Variants in ATP6V0E1 observed in about 807,000 individuals in gnomAD.
ATP6V0E1 encodes V-type proton ATPase subunit e 1.
In ATP6V0E1, 4 loss-of-function variants were observed where a neutral mutation model predicts 11.6. The observed-to-expected ratio is 0.35, with a 90% CI of 0.17 to 0.79. ATP6V0E1 has a LOEUF of 0.79. Among genes scored for constraint, ATP6V0E1 ranks in the 30% least tolerant of loss-of-function variants. ATP6V0E1 has a pLI of 0.54. For synonymous variants in ATP6V0E1, 36 were observed against 34.8 expected (o/e 1.04, Z -0.13); for missense variants, 105 against 100.0 (o/e 1.05, Z -0.21).
rs11296906 is a variant in ATP6V0E1, at chr5:172,994,757, ATTT to A, written c.105-5_105-3del. 800 of 1,395,198 alleles carry A rather than the reference ATTT, an allele frequency of 5.7e-4. No homozygotes were observed. The highest frequency in any genetic ancestry group is 2.4e-3 in the South Asian group (179 of 74,986). 86.4% of individuals were successfully genotyped at this position (1,395,198 alleles called of 1,614,324 possible). On this transcript the variant is annotated splice_polypyrimidine_tract_variant and intron_variant, in intron 1 of 3. Coordinates refer to ENST00000519374, the MANE Select transcript of ATP6V0E1 (RefSeq NM_003945.4). ...TTGCTAGTTATTTAATGACATTTGCATTTTTTTTTTTTTTTAGAGTTATCATTA... is the reference window on the plus strand; with the variant it reads ...TTGCTAGTTATTTAATGACATTTGCATTTTTTTTTTTTAGAGTTATCATTA...
intron 1 of ATP6V0E1, among the ~76,000 whole-genome samples, chr5:172,992,815 T>C (rs1756006748): frequency 6.6e-6 from 1 of 152,218 alleles, no homozygotes; most frequent in African/African-American, 2.4e-5. Flanking sequence ...TTTATTTTTT[T>C]GAGATGGAGT....
In ATP6V0E1 at chr5:172,983,838, G is replaced by A. The variant is rs580437; in HGVS notation, c.-23G>A. Reference sequence around the variant, plus strand: ...GGATCCGAGTGAGGCGACGGGGTAGGGGTTGGCGCTCAGGCGGCGACCATG... The same window carrying A: ...GGATCCGAGTGAGGCGACGGGGTAGAGGTTGGCGCTCAGGCGGCGACCATG... On this transcript the variant is annotated 5_prime_UTR_variant, in exon 1 of 4. Transcript: ENST00000519374. 2,360 of 1,609,952 alleles carry A rather than the reference G, an allele frequency of 1.5e-3. 27 individuals carry two copies. In the African/African-American group the frequency reaches 0.027, roughly 19 times the overall value.
At chr5:172,984,277 CTG>C (rs940016149) in intron 1 of ATP6V0E1, among the ~76,000 whole-genome samples, 3 of 152,212 alleles carry the variant, frequency 2.0e-5, no homozygotes, top group African/African-American at 4.8e-5. Flanking sequence ...CTGGGAGAAA[CTG>C]GGGTTTGTCC....
chr5:173,034,580 A>G lies in ATP6V0E1; in HGVS notation c.*218A>G. 1.5e-6 allele frequency: 1 copy of G among 653,944 alleles called. No homozygotes were observed. The highest frequency in any genetic ancestry group is 2.7e-5 in the East Asian group (1 of 36,514). The allele number at this position is 653,944 out of a possible 1,614,324, so 40.5% of individuals were successfully genotyped here. A position where few individuals can be genotyped will look rare whatever the true frequency, so the allele number is the denominator to read the frequency against. On this transcript the variant is annotated 3_prime_UTR_variant, in exon 4 of 4. Coordinates refer to ENST00000519374, the MANE Select transcript of ATP6V0E1 (RefSeq NM_003945.4). Reference sequence around the variant, plus strand: ...ACTTTGGTGAATTACGTGCCTCCATAACCTGAACTGTGCCGACTCCACAAA... The same window carrying G: ...ACTTTGGTGAATTACGTGCCTCCATGACCTGAACTGTGCCGACTCCACAAA...
At chr5:173,016,668 G>A (rs147053842) in intron 2 of ATP6V0E1, among the ~76,000 whole-genome samples, 2 of 152,276 alleles carry the variant, frequency 1.3e-5, no homozygotes, top group Non-Finnish European at 2.9e-5. Flanking sequence ...AGCTTGTATT[G>A]CCTGCCGGGA....
In ATP6V0E1 at chr5:173,025,932, A is replaced by C. The variant is rs567789356; in HGVS notation, c.*36+5565A>C. Among the ~76,000 whole-genome samples, 8 of 152,280 alleles carry C rather than the reference A, an allele frequency of 5.3e-5. No homozygotes were observed. The South Asian group carries it at 1.7e-3, about 32-fold the overall frequency. ...CCAGCTGTTTGGTGCGGTGAGGCAG[A>C]AGGATCTCTTGAGCCCAGAGTTTGA... is the stretch of plus-strand genomic sequence containing the variant. On this transcript the variant is annotated intron_variant, in intron 3 of 3. Coordinates refer to ENST00000519374, the MANE Select transcript of ATP6V0E1 (RefSeq NM_003945.4).
chr5:172,988,814 G>A lies in ATP6V0E1; in HGVS notation c.104+4850G>A, dbSNP rs78339108. ...AGCGCTTCTCGTGCCTCAACCTCCCGAGTATCTCGGACTACAGGCGCACGT... is the reference window on the plus strand; with the variant it reads ...AGCGCTTCTCGTGCCTCAACCTCCCAAGTATCTCGGACTACAGGCGCACGT... On this transcript the variant is annotated intron_variant, in intron 1 of 3. Transcript: ENST00000519374. Among the ~76,000 whole-genome samples the A allele has an allele frequency of 2.1e-3, 321 of 152,130 alleles. 1 individual carries two copies. The highest frequency in any genetic ancestry group is 3.5e-3 in the Non-Finnish European group (235 of 68,006).
intron 3 of ATP6V0E1, among the ~76,000 whole-genome samples, chr5:173,033,996 A>G (rs1756703203): frequency 6.6e-6 from 1 of 152,216 alleles, no homozygotes. Context: ...CAATGCAAGG[A>G]GCCCGCTCCC....
At position 173,020,362 on chromosome 5, in the gene ATP6V0E1, T is replaced by G; in HGVS notation, c.*31T>G. On this transcript the variant is annotated 3_prime_UTR_variant, in exon 3 of 4. Coordinates refer to ENST00000519374, the MANE Select transcript of ATP6V0E1 (RefSeq NM_003945.4). Reference sequence around the variant, plus strand: ...AAGACATGCTCTACAGTGCTCAGTCTTTGAGGTGACTATGCTTGTGACCTT... The same window carrying G: ...AAGACATGCTCTACAGTGCTCAGTCGTTGAGGTGACTATGCTTGTGACCTT... 1 of 1,530,048 alleles carries G rather than the reference T, an allele frequency of 6.5e-7. No individual in the cohort carries two copies. Among genetic ancestry groups the G allele is most frequent in the Non-Finnish European group, 9.0e-7 (1 of 1,105,074 alleles). The allele number at this position is 1,530,048 out of a possible 1,614,324, so 94.8% of individuals were successfully genotyped here.
intron 2 of ATP6V0E1, among the ~76,000 whole-genome samples, chr5:173,015,702 A>G (rs376372693): frequency 1.2e-4 from 19 of 152,256 alleles, no homozygotes; most frequent in South Asian, 6.2e-4. Context: ...CACCCTGTCC[A>G]TCCCTTCATC....
intron 3 of ATP6V0E1, among the ~76,000 whole-genome samples, chr5:173,031,383 C>T: frequency 6.6e-6 from 1 of 151,468 alleles, no homozygotes; most frequent in East Asian, 1.9e-4. Flanking sequence ...CGCATCCGAC[C>T]CTTTGTCAGT....
At chr5:172,997,766 T>C (rs1448097672) in intron 2 of ATP6V0E1, among the ~76,000 whole-genome samples, 1 of 150,490 alleles carries the variant, frequency 6.6e-6, no homozygotes, top group Non-Finnish European at 1.5e-5. Context: ...TGAGCCGAGA[T>C]TGCACCACTG....
chr5:173,009,804 C>T (rs530135095), intron 2 of ATP6V0E1, among the ~76,000 whole-genome samples: 1 of 133,818 alleles, frequency 7.5e-6, no homozygotes, highest in Non-Finnish European at 1.6e-5. Context: ...TGCTCTGTTG[C>T]CCAGGCTGGA....
At chr5:172,984,106 G>A in intron 1 of ATP6V0E1, 142 bp downstream of exon 1, 4 of 768,934 alleles carry the variant, frequency 5.2e-6, no homozygotes, top group Admixed American at 4.2e-5. Context: ...CCGACCCGGC[G>A]GAACTCCTTG....
intron 3 of ATP6V0E1, among the ~76,000 whole-genome samples, chr5:173,027,470 C>G (rs1231637939): frequency 6.6e-6 from 1 of 151,510 alleles, no homozygotes; most frequent in African/African-American, 2.4e-5. Context: ...CCACTGCACT[C>G]CAGCCTGAGT....
chr5:172,998,177 C>A (rs1364703379), intron 2 of ATP6V0E1, among the ~76,000 whole-genome samples: 5 of 141,132 alleles, frequency 3.5e-5, no homozygotes, highest in Admixed American at 2.1e-4. Flanking sequence ...GCTGATGAAA[C>A]TTAAAATTTA....
intron 2 of ATP6V0E1, among the ~76,000 whole-genome samples, chr5:172,998,344 C>T (rs1756099602): frequency 1.3e-5 from 2 of 151,784 alleles, no homozygotes; most frequent in Admixed American, 1.3e-4. Context: ...TGGTGGCTCA[C>T]GCCTGTAATC....
At chr5:173,000,406 G>T (rs1456308707) in intron 2 of ATP6V0E1, among the ~76,000 whole-genome samples, 2 of 152,046 alleles carry the variant, frequency 1.3e-5, no homozygotes, top group Non-Finnish European at 2.9e-5. Context: ...GAATTATATT[G>T]TTGTTTACTC....
chr5:173,033,815 G>A (rs1287846481), intron 3 of ATP6V0E1, among the ~76,000 whole-genome samples: 1 of 152,148 alleles, frequency 6.6e-6, no homozygotes, highest in Non-Finnish European at 1.5e-5. Flanking sequence ...CTGCACTCCA[G>A]CCTGGATGGC....
Sources: allele counts gnomAD v4.1 joint callset (sites outside exome capture counted in the v4.1 genomes callset), GRCh38; gene constraint gnomAD v4.1.1; transcripts MANE v1.5; gene names NCBI Gene and HGNC (gene_info 2026-07-23, HGNC 2026-07-21).